The following CTCFL variants were observed in gnomAD, a reference collection of about 807,000 sequenced individuals.
The protein encoded by CTCFL is transcriptional repressor CTCFL.
CTCFL carries 36 observed loss-of-function variants against 67.4 expected under a neutral mutation model. That is an observed-to-expected ratio of 0.53 (90% CI 0.41 to 0.71). The LOEUF (loss-of-function observed/expected upper bound fraction) is 0.71. Ranked by LOEUF, CTCFL falls within the 30% of genes least tolerant of loss-of-function variation. CTCFL has a pLI of 0.00. For missense variants in CTCFL, 786 were observed against 835.2 expected, an observed-to-expected ratio of 0.94 and a Z score of 0.73; for synonymous variants, 324 against 302.3, an observed-to-expected ratio of 1.07 and a Z score of -0.75.
At chr20:57,524,487 T>G (rs1371238776) in intron 1 of CTCFL, 1 of 1,240,286 alleles carries the variant, frequency 8.1e-7, no homozygotes, top group Non-Finnish European at 1.0e-6. Flanking sequence ...CCAGCACACA[T>G]CCTGCGCCTG....
chr20:57,525,313 G>C (rs1189959284), upstream of CTCFL: 2 of 134,898 alleles, frequency 1.5e-5, no homozygotes, highest in South Asian at 2.7e-4. Context: ...GGTGGACCTG[G>C]GGGGGTGGAT....
chr20:57,519,469 C>T (rs1156411447), intron 3 of CTCFL, 92 bp from the exon 4 acceptor site: 16 of 1,120,464 alleles, frequency 1.4e-5, no homozygotes, highest in East Asian at 4.7e-5. Context: ...TTTCAACTAA[C>T]GTGGGAACTG....
intron 8 of CTCFL, among the ~76,000 whole-genome samples, chr20:57,508,993 A>G (rs2068382678): frequency 6.6e-6 from 1 of 152,238 alleles, no homozygotes; most frequent in Admixed American, 6.5e-5. Context: ...TGCAGCAGCA[A>G]GTGACAAAGG....
At chr20:57,518,927 A>C (rs1203969427) in intron 4 of CTCFL, 36 bp from the exon 5 acceptor site, 9 of 1,576,354 alleles carry the variant, frequency 5.7e-6, no homozygotes, top group Non-Finnish European at 7.8e-6. Context: ...TCAAAACAAG[A>C]CTTAACCAGA....
intron 9 of CTCFL, among the ~76,000 whole-genome samples, chr20:57,504,682 G>C (rs1053797862): frequency 1.4e-4 from 22 of 151,806 alleles, no homozygotes; most frequent in African/African-American, 4.8e-4. Context: ...GAGGACCTGG[G>C]GGCTGAAATC....
chr20:57,505,269 T>G (rs906804677), intron 9 of CTCFL, among the ~76,000 whole-genome samples: 1 of 151,830 alleles, frequency 6.6e-6, no homozygotes, highest in African/African-American at 2.4e-5. Flanking sequence ...ATTTATTTAT[T>G]TTTTGAGACG....
rs1290771552 is a variant in CTCFL, at chr20:57,507,021, A to ACTT, written c.1674+1582_1674+1584dup. On this transcript the variant is annotated intron_variant, in intron 9 of 10. Coordinates refer to ENST00000243914, the MANE Select transcript of CTCFL (RefSeq NM_001386993.1). The stretch of plus-strand genomic sequence containing the variant: ...CTTCAGGAAATTCAACTTTTATAAA[A>ACTT]CTTTTATAAAGTTAGGCTGAAGCCT... 4 of 985,376 alleles carry ACTT rather than the reference A, an allele frequency of 4.1e-6. No homozygotes were observed. In the African/African-American group the frequency reaches 7.0e-5, roughly 17 times the overall value. 61.0% of individuals were successfully genotyped at this position (985,376 alleles called of 1,614,324 possible).
chr20:57,496,573 AC>A (rs1443550862), downstream of CTCFL, among the ~76,000 whole-genome samples: 3 of 152,070 alleles, frequency 2.0e-5, no homozygotes, highest in Non-Finnish European at 4.4e-5. Context: ...TCCCAAATAA[AC>A]TGTGTCCACT....
At chr20:57,513,691 T>C (rs2068708539) in intron 7 of CTCFL, 1 of 1,188,974 alleles carries the variant, frequency 8.4e-7, no homozygotes. Context: ...AAAATAAAAG[T>C]GAAGACTTTG....
At chr20:57,503,181 G>A (rs1029542176) in intron 10 of CTCFL, among the ~76,000 whole-genome samples, 2 of 152,230 alleles carry the variant, frequency 1.3e-5, no homozygotes, top group East Asian at 3.8e-4. Context: ...AGCTGCAGGC[G>A]ACAGTCCAAT....
At chr20:57,503,684 A>G (rs1455560051) in intron 9 of CTCFL, 83 bp from the exon 10 acceptor site, 8 of 1,453,564 alleles carry the variant, frequency 5.5e-6, no homozygotes, top group Non-Finnish European at 7.5e-6. Context: ...GACCCCACGC[A>G]TGGAAAGAAA....
At chr20:57,518,187 C>G (rs923463388) in intron 5 of CTCFL, among the ~76,000 whole-genome samples, 1 of 152,238 alleles carries the variant, frequency 6.6e-6, no homozygotes, top group Non-Finnish European at 1.5e-5. Flanking sequence ...GAAACTGGTA[C>G]TGACTAGTAA....
chr20:57,517,586 A>G (rs1469383793), intron 5 of CTCFL, among the ~76,000 whole-genome samples: 1 of 152,134 alleles, frequency 6.6e-6, no homozygotes, highest in Non-Finnish European at 1.5e-5. Context: ...CCAATTCAAA[A>G]GCTTTTTTAA....
rs538677972 is a variant in CTCFL, at chr20:57,508,209, T to C, written c.1674+397A>G. Among the ~76,000 whole-genome samples the C allele has an allele frequency of 3.3e-5, 5 of 152,296 alleles. No homozygotes were observed. In the East Asian group the frequency reaches 7.7e-4, roughly 24 times the overall value. ...ACCTTGGCCTCTCAAGTAGCTGGGA[T>C]TATAGACACCAATAACATTATTCTA... On this transcript the variant is annotated intron_variant, in intron 9 of 10. Coordinates refer to ENST00000243914, the MANE Select transcript of CTCFL (RefSeq NM_001386993.1).
chr20:57,516,647 C>A (rs1048282396), intron 5 of CTCFL, among the ~76,000 whole-genome samples: 2 of 152,342 alleles, frequency 1.3e-5, no homozygotes, highest in Admixed American at 6.5e-5. Flanking sequence ...TGGCTGGCCC[C>A]ACAGTAACAG....
intron 9 of CTCFL, among the ~76,000 whole-genome samples, chr20:57,504,416 A>G (rs1451020894): frequency 1.3e-5 from 2 of 151,548 alleles, no homozygotes; most frequent in East Asian, 3.9e-4. Context: ...AGTAGGTGGG[A>G]CTACAGGCGA....
chr20:57,511,595 CCT>C (rs61369902), intron 8 of CTCFL, among the ~76,000 whole-genome samples: 88 of 150,778 alleles, frequency 5.8e-4, no homozygotes, highest in Middle Eastern at 3.4e-3. Context: ...TAATCCCCCC[CCT>C]TTTTTTTTTT....
At chr20:57,510,932 G>A (rs2068511868) in intron 8 of CTCFL, among the ~76,000 whole-genome samples, 1 of 152,200 alleles carries the variant, frequency 6.6e-6, no homozygotes, top group African/African-American at 2.4e-5. Context: ...AGTATGTTAA[G>A]TGATAAAGAA....
chr20:57,507,744 A>C (rs1178609661), intron 9 of CTCFL: 40 of 702,880 alleles, frequency 5.7e-5, no homozygotes, highest in Non-Finnish European at 9.6e-5. Flanking sequence ...AGTGGCCCTG[A>C]GCCAGGACCA....
Sources: gnomAD v4.1 joint callset for allele counts (sites outside exome capture counted in the v4.1 genomes callset) on GRCh38, gnomAD v4.1.1 for gene constraint, MANE v1.5 for transcripts, NCBI Gene and HGNC (gene_info 2026-07-23, HGNC 2026-07-21) for gene names.